USP13: variants seen among roughly 807,000 people sequenced by gnomAD.
USP13 encodes the protein ubiquitin carboxyl-terminal hydrolase 13.
A neutral mutation model predicts 107.8 loss-of-function variants in USP13; 68 were observed. The ratio of observed to expected loss-of-function variants is 0.63; its 90% CI spans 0.52 to 0.77. The LOEUF (loss-of-function observed/expected upper bound fraction) is 0.77, where lower values mean the gene tolerates loss of function less well. Among genes scored for constraint, USP13 ranks in the 30% least tolerant of loss-of-function variants. The pLI, the probability that USP13 is intolerant of heterozygous loss-of-function variation, is 0.00. For missense variants in USP13, 945 were observed against 1,093.3 expected, an observed-to-expected ratio of 0.86 and a Z score of 1.91; for synonymous variants, 377 against 389.5, an observed-to-expected ratio of 0.97 and a Z score of 0.38.
At position 179,708,755 on chromosome 3, in the gene USP13, T is replaced by C. The variant is rs1266396039; in HGVS notation, c.621-18T>C. ...ATTATGCCCTGGCTGTTCTGACTAC[T>C]CTCCAATGGCTTTCCAGTGGTTGGA... On this transcript the variant is annotated intron_variant, in intron 5 of 20. Coordinates refer to ENST00000263966, the MANE Select transcript of USP13 (RefSeq NM_003940.3). 1 of 1,613,270 alleles carries C rather than the reference T, an allele frequency of 6.2e-7. No homozygotes were observed. Among genetic ancestry groups the C allele is most frequent in the East Asian group, 2.2e-5 (1 of 44,868 alleles).
intron 6 of USP13, among the ~76,000 whole-genome samples, chr3:179,712,435 G>A (rs150804784): frequency 1.2e-4 from 19 of 152,056 alleles, no homozygotes; most frequent in Non-Finnish European, 1.2e-4. Flanking sequence ...TTTCATTTTA[G>A]TCTTTTCTCT....
intron 8 of USP13, among the ~76,000 whole-genome samples, chr3:179,728,749 G>A (rs1393640745): frequency 1.3e-5 from 2 of 152,220 alleles, no homozygotes; most frequent in African/African-American, 4.8e-5. Flanking sequence ...GGAGGCCGAG[G>A]CTGGCGGATC....
chr3:179,665,659 C>T (rs985920018), intron 1 of USP13, among the ~76,000 whole-genome samples: 2 of 150,370 alleles, frequency 1.3e-5, no homozygotes, highest in African/African-American at 4.9e-5. Context: ...GATCTCGGCT[C>T]ACTGCCACCT....
In USP13 at chr3:179,653,214, C is replaced by T. The variant is rs776613751; in HGVS notation, c.-12C>T. On this transcript the variant is annotated 5_prime_UTR_variant, in exon 1 of 21. Transcript: ENST00000263966. This position sits in a 1 kb window ranked among gnomAD's most constrained non-coding sequence, Gnocchi z 4.0. ...CGGCTCGGCTCGCTCGGCTCCGGTG[C>T]GCGCCGAGGCCATGCAGCGCCGGGG... 2.7e-6 allele frequency: 4 copies of T among 1,498,190 alleles called. No homozygotes were observed. Among genetic ancestry groups the T allele is most frequent in the Middle Eastern group, 2.2e-4 (1 of 4,464 alleles). The allele number at this position is 1,498,190 out of a possible 1,614,324, so 92.8% of individuals were successfully genotyped here. A position where few individuals can be genotyped will look rare whatever the true frequency, so the allele number is the denominator to read the frequency against.
intron 8 of USP13, among the ~76,000 whole-genome samples, chr3:179,723,363 G>C (rs1713394506): frequency 6.6e-6 from 1 of 152,208 alleles, no homozygotes; most frequent in African/African-American, 2.4e-5. Flanking sequence ...TGCTGAGTGT[G>C]TGGGGGTCAG....
intron 1 of USP13, among the ~76,000 whole-genome samples, chr3:179,665,700 C>T (rs1720567031): frequency 6.6e-6 from 1 of 152,102 alleles, no homozygotes; most frequent in Admixed American, 6.5e-5. Flanking sequence ...ATTCTTGTGC[C>T]TCAGTCTCCT....
intron 19 of USP13, among the ~76,000 whole-genome samples, chr3:179,773,991 G>C (rs1715419372): frequency 6.6e-6 from 1 of 152,164 alleles, no homozygotes; most frequent in South Asian, 2.1e-4. Context: ...CCTGAGAGTG[G>C]CTAATTTATA....
At chr3:179,675,350 C>T (rs1191317799) in intron 1 of USP13, among the ~76,000 whole-genome samples, 2 of 151,340 alleles carry the variant, frequency 1.3e-5, no homozygotes, top group Non-Finnish European at 2.9e-5. Flanking sequence ...TTCTTCTATA[C>T]TGATGTTAAT....
intron 10 of USP13, among the ~76,000 whole-genome samples, chr3:179,736,510 C>G (rs1194947333): frequency 6.6e-6 from 1 of 152,222 alleles, no homozygotes; most frequent in African/African-American, 2.4e-5. Context: ...TCTAACCCAG[C>G]TGTGAACCCC....
At chr3:179,712,164 A>T (rs776878185) in intron 6 of USP13, among the ~76,000 whole-genome samples, 5 of 152,196 alleles carry the variant, frequency 3.3e-5, no homozygotes, top group African/African-American at 4.8e-5. Flanking sequence ...AAAGGCCAAG[A>T]ATTAATTCTA....
At position 179,653,533 on chromosome 3, in the gene USP13, G is replaced by A. The variant is rs1247396598; in HGVS notation, c.168+140G>A. 5 of 1,230,496 alleles carry A rather than the reference G, an allele frequency of 4.1e-6. No individual in the cohort carries two copies. The Admixed American group carries it at 7.7e-5, about 19-fold the overall frequency. The allele number at this position is 1,230,496 out of a possible 1,614,324, so 76.2% of individuals were successfully genotyped here. A position where few individuals can be genotyped will look rare whatever the true frequency, so the allele number is the denominator to read the frequency against. The stretch of plus-strand genomic sequence containing the variant: ...GTTGGCTCAGGAACACTGCAGTTCG[G>A]CAGACACTTAGTGAGCGCCCCAGGG... On this transcript the variant is annotated intron_variant, in intron 1 of 20. Transcript: ENST00000263966. This position sits in a 1 kb window ranked among gnomAD's most constrained non-coding sequence, Gnocchi z 4.0.
intron 19 of USP13, among the ~76,000 whole-genome samples, chr3:179,775,042 C>G (rs1215340724): frequency 3.3e-5 from 5 of 152,142 alleles, no homozygotes; most frequent in Non-Finnish European, 7.3e-5. Context: ...AAACCTTGAG[C>G]TAGACACAGA....
intron 10 of USP13, among the ~76,000 whole-genome samples, chr3:179,733,660 A>T (rs756803637): frequency 2.0e-5 from 3 of 152,150 alleles, no homozygotes; most frequent in African/African-American, 7.2e-5. Flanking sequence ...AGAGAAGGGG[A>T]TAGATGATGA....
At chr3:179,714,261 G>C (rs1713025111) in intron 6 of USP13, among the ~76,000 whole-genome samples, 1 of 152,212 alleles carries the variant, frequency 6.6e-6, no homozygotes, top group Non-Finnish European at 1.5e-5. Flanking sequence ...TCTATTGGCT[G>C]TACCAGCTCC....
chr3:179,762,390 G>A (rs1715040339), intron 17 of USP13, among the ~76,000 whole-genome samples: 2 of 152,196 alleles, frequency 1.3e-5, no homozygotes, highest in African/African-American at 2.4e-5. Flanking sequence ...AGACCAGCCT[G>A]GCCAACATGG....
At chr3:179,711,209 C>T (rs1712912115) in intron 6 of USP13, among the ~76,000 whole-genome samples, 3 of 152,114 alleles carry the variant, frequency 2.0e-5, no homozygotes, top group African/African-American at 2.4e-5. Flanking sequence ...TACAGCTGTA[C>T]ACTTTTTTTT....
At chr3:179,659,624 C>A (rs1430125924) in intron 1 of USP13, among the ~76,000 whole-genome samples, 3 of 152,132 alleles carry the variant, frequency 2.0e-5, no homozygotes, top group African/African-American at 7.2e-5. Flanking sequence ...TCACAACAAC[C>A]CTATGTTATA....
Position 179,653,394 on chromosome 3 carries a change from G to A in USP13, c.168+1G>A, listed in dbSNP as rs202069129. 4.5e-6 allele frequency: 7 copies of A among 1,555,918 alleles called. No individual in the cohort carries two copies. Among genetic ancestry groups the A allele is most frequent in the Non-Finnish European group, 5.2e-6 (6 of 1,149,688 alleles). On this transcript the variant is annotated splice_donor_variant, in intron 1 of 20. Transcript: ENST00000263966. LOFTEE classifies it high-confidence loss of function. This position sits in a 1 kb window ranked among gnomAD's most constrained non-coding sequence, Gnocchi z 4.0. ...GTGCGCCTTCTCCTACGACTCTCCC[G>A]TAAGTGAGGCGCCTCGGGGGAGGGT...
Position 179,737,787 on chromosome 3 carries a change from C to T in USP13, c.1255-2460C>T, listed in dbSNP as rs536571615. ...TGTGGTGTTCCCTAACATTTGTTAT[C>T]GATGCGTGTGTATGTCTCTCATCTC... On this transcript the variant is annotated intron_variant, in intron 10 of 20. Coordinates refer to ENST00000263966, the MANE Select transcript of USP13 (RefSeq NM_003940.3). Among the ~76,000 whole-genome samples, 4 of 152,270 alleles carry T rather than the reference C, an allele frequency of 2.6e-5. No homozygotes were observed. The East Asian group carries it at 5.8e-4, about 22-fold the overall frequency.
Sources: allele counts gnomAD v4.1 joint callset (sites outside exome capture counted in the v4.1 genomes callset), GRCh38; gene constraint gnomAD v4.1.1; non-coding constraint Gnocchi (gnomAD v3.1); transcripts MANE v1.5; gene names NCBI Gene and HGNC (gene_info 2026-07-23, HGNC 2026-07-21).